The following TMEM245 variants were observed in gnomAD, a reference collection of about 807,000 sequenced individuals.
The protein encoded by TMEM245 is transmembrane protein 245.
TMEM245 carries 69 observed loss-of-function variants against 101.2 expected under a neutral mutation model. That is an observed-to-expected ratio of 0.68 (90% CI 0.56 to 0.83). The LOEUF (loss-of-function observed/expected upper bound fraction) is 0.83, where lower values mean the gene tolerates loss of function less well. Among genes scored for constraint, TMEM245 ranks in the 40% least tolerant of loss-of-function variants. The pLI is 0.00. For missense variants in TMEM245, 1,075 were observed against 1,092.8 expected (o/e 0.98, Z 0.23); for synonymous variants, 537 against 449.8 (o/e 1.19, Z -2.45).
chr9:109,053,738 G>C (rs945370045), intron 12 of TMEM245, among the ~76,000 whole-genome samples: 2 of 152,184 alleles, frequency 1.3e-5, no homozygotes, highest in African/African-American at 4.8e-5. Context: ...CTTACTAAGA[G>C]CCATCAGCCC....
At chr9:109,056,915 C>T (rs1053915112) in intron 12 of TMEM245, among the ~76,000 whole-genome samples, 4 of 152,154 alleles carry the variant, frequency 2.6e-5, no homozygotes, top group African/African-American at 4.8e-5. Flanking sequence ...CAAGGGTCTT[C>T]GCACAACACA....
At chr9:109,063,115 C>T (rs1240839409) in intron 10 of TMEM245, among the ~76,000 whole-genome samples, 1 of 151,920 alleles carries the variant, frequency 6.6e-6, no homozygotes, top group African/African-American at 2.4e-5. Flanking sequence ...TAAACAAGCT[C>T]ATCTAATTTT....
intron 6 of TMEM245, 115 bp from the exon 7 acceptor site, chr9:109,086,135 C>A: frequency 8.8e-7 from 1 of 1,131,914 alleles, no homozygotes; most frequent in South Asian, 1.4e-5. Flanking sequence ...CCATCCCAGA[C>A]AAAGGAAAAA....
In TMEM245 at chr9:109,091,565, A is replaced by G. The variant is rs575448364; in HGVS notation, c.917-410T>C. Among the ~76,000 whole-genome samples the G allele has an allele frequency of 2.6e-5, 4 of 152,346 alleles. No homozygotes were observed. In the East Asian group the frequency reaches 7.7e-4, roughly 29 times the overall value. On this transcript the variant is annotated intron_variant, in intron 4 of 17. Coordinates refer to ENST00000374586, the MANE Select transcript of TMEM245 (RefSeq NM_032012.4). ...CTTTAGATTAGGTGTATTTATATAC[A>G]TTTCTGACACAAGAAGACTTTTCAG...
intron 1 of TMEM245, among the ~76,000 whole-genome samples, chr9:109,109,148 C>G (rs975525706): frequency 6.6e-6 from 1 of 152,074 alleles, no homozygotes; most frequent in African/African-American, 2.4e-5. Context: ...GATGCACCAG[C>G]TGAAGAAGTG....
chr9:109,061,857 C>G (rs1031346046), intron 10 of TMEM245, among the ~76,000 whole-genome samples: 1 of 152,124 alleles, frequency 6.6e-6, no homozygotes, highest in African/African-American at 2.4e-5. Flanking sequence ...GCATGAGCCA[C>G]CACGCCCACC....
chr9:109,074,628 C>T (rs1381021525), intron 8 of TMEM245, among the ~76,000 whole-genome samples: 1 of 142,544 alleles, frequency 7.0e-6, no homozygotes, highest in Non-Finnish European at 1.5e-5. Context: ...CCATAGTATG[C>T]CAGGAATTGA....
chr9:109,084,296 T>C (rs1829770003), intron 7 of TMEM245, among the ~76,000 whole-genome samples: 1 of 152,130 alleles, frequency 6.6e-6, no homozygotes, highest in Admixed American at 6.5e-5. Context: ...CTTATGTATG[T>C]CCTTTCTTGG....
intron 14 of TMEM245, among the ~76,000 whole-genome samples, chr9:109,045,622 C>T (rs570922635): frequency 2.0e-5 from 3 of 152,096 alleles, no homozygotes; most frequent in African/African-American, 4.8e-5. Flanking sequence ...AAATAGTAAA[C>T]GTGTATTTCA....
intron 3 of TMEM245, among the ~76,000 whole-genome samples, chr9:109,103,770 G>A (rs1396181790): frequency 6.6e-6 from 1 of 152,078 alleles, no homozygotes; most frequent in African/African-American, 2.4e-5. Flanking sequence ...GCTGGAAGTG[G>A]TTATTAATAG....
At chr9:109,026,341 G>A (rs1827788224) in intron 17 of TMEM245, among the ~76,000 whole-genome samples, 1 of 152,122 alleles carries the variant, frequency 6.6e-6, no homozygotes, top group South Asian at 2.1e-4. Context: ...AACTGGCAAG[G>A]AGGCCATAAC....
intron 14 of TMEM245, chr9:109,039,059 C>A (rs1828225901): frequency 6.6e-6 from 1 of 152,196 alleles, no homozygotes; most frequent in African/African-American, 2.4e-5. Flanking sequence ...ACGTTAGCGG[C>A]AAACGTGACC....
intron 3 of TMEM245, among the ~76,000 whole-genome samples, chr9:109,096,825 G>A (rs1468345908): frequency 2.0e-5 from 3 of 152,218 alleles, no homozygotes; most frequent in Non-Finnish European, 4.4e-5. Flanking sequence ...TGTAAGAAAA[G>A]TAAGTCCCTT....
intron 11 of TMEM245, 25 bp from the exon 12 acceptor site, chr9:109,057,347 T>C: frequency 6.3e-7 from 1 of 1,597,934 alleles, no homozygotes; most frequent in Non-Finnish European, 8.5e-7. Flanking sequence ...AGTGCAGACA[T>C]GAAATTCCCA....
chr9:109,099,713 C>T (rs183857195), intron 3 of TMEM245, among the ~76,000 whole-genome samples: 1 of 152,260 alleles, frequency 6.6e-6, no homozygotes, highest in East Asian at 1.9e-4. Flanking sequence ...GTACCTCTTT[C>T]CTCAGACGCC....
At chr9:109,037,995 G>T in intron 15 of TMEM245, 22 bp downstream of exon 15, 3 of 1,520,712 alleles carry the variant, frequency 2.0e-6, no homozygotes, top group Non-Finnish European at 2.7e-6. Context: ...GCGAATAGTG[G>T]AAGGTACAAT....
chr9:109,083,929 A>AAAAAAAAAAAAAC, intron 7 of TMEM245, among the ~76,000 whole-genome samples: 1 of 140,320 alleles, frequency 7.1e-6, no homozygotes, highest in African/African-American at 2.6e-5. Flanking sequence ...AAAAAAAAAA[A>AAAAAAAAAAAAAC]CACCAGGCAT....
At chr9:109,034,656 G>A (rs1429178915) in intron 16 of TMEM245, among the ~76,000 whole-genome samples, 3 of 151,924 alleles carry the variant, frequency 2.0e-5, no homozygotes, top group Admixed American at 6.5e-5. Flanking sequence ...ATGTTTCCCC[G>A]GCTGGTCTTG....
chr9:109,077,343 G>A (rs1829541971), intron 8 of TMEM245, among the ~76,000 whole-genome samples: 1 of 151,976 alleles, frequency 6.6e-6, no homozygotes, highest in South Asian at 2.1e-4. Context: ...GTAGAGATGG[G>A]GTTTTGTCAT....
Sources: gnomAD v4.1 joint callset for allele counts (sites outside exome capture counted in the v4.1 genomes callset) on GRCh38, gnomAD v4.1.1 for gene constraint, MANE v1.5 for transcripts, NCBI Gene and HGNC (gene_info 2026-07-23, HGNC 2026-07-21) for gene names.